PANK3: variants seen among roughly 807,000 people sequenced by gnomAD.
PANK3 encodes the protein pantothenate kinase 3.
PANK3 carries 20 observed loss-of-function variants against 39.4 expected under a neutral mutation model. The ratio of observed to expected loss-of-function variants is 0.51; its 90% CI spans 0.36 to 0.74. The LOEUF (loss-of-function observed/expected upper bound fraction) is 0.74. Among genes scored for constraint, PANK3 ranks in the 30% least tolerant of loss-of-function variants. The pLI, the probability that PANK3 is intolerant of heterozygous loss-of-function variation, is 0.00. For missense variants in PANK3, 265 were observed against 437.0 expected, an observed-to-expected ratio of 0.61 and a Z score of 3.51; for synonymous variants, 140 against 157.3, an observed-to-expected ratio of 0.89 and a Z score of 0.82.
chr5:168,573,825 T>C (rs1475856309), intron 1 of PANK3, among the ~76,000 whole-genome samples: 1 of 152,074 alleles, frequency 6.6e-6, no homozygotes, highest in East Asian at 1.9e-4. Context: ...ATTTCATCCA[T>C]GCCCCTACAA....
rs1442098597 is a variant in PANK3 at position 168,554,675 on chromosome 5, A to C, written c.*2896T>G. 6.6e-6 allele frequency: 1 copy of C among 152,336 alleles called. No homozygotes were observed. 9.4% of individuals were successfully genotyped at this position (152,336 alleles called of 1,614,324 possible). ...CAATGACTTCATGTTCCTTGCTTTA[A>C]TATTTCCATTGTAGTGACTAAATAT... On this transcript the variant is annotated 3_prime_UTR_variant, in exon 7 of 7. Coordinates refer to ENST00000239231, the MANE Select transcript of PANK3 (RefSeq NM_024594.4).
At chr5:168,558,896 G>A (rs1759397334) in intron 6 of PANK3, 136 bp downstream of exon 6, 1 of 707,628 alleles carries the variant, frequency 1.4e-6, no homozygotes, top group African/African-American at 1.8e-5. Flanking sequence ...GAGGTGGGAG[G>A]ATTGATGAGC....
At chr5:168,569,343 C>CG (rs1478216490) in intron 1 of PANK3, among the ~76,000 whole-genome samples, 2 of 150,946 alleles carry the variant, frequency 1.3e-5, no homozygotes, top group Non-Finnish European at 1.5e-5. Flanking sequence ...CACCACCACG[C>CG]CTGCCTAATT....
At chr5:168,558,947 A>G (rs1759398246) in intron 6 of PANK3, 85 bp downstream of exon 6, 2 of 1,340,670 alleles carry the variant, frequency 1.5e-6, no homozygotes, top group Non-Finnish European at 1.0e-6. Context: ...TTGTGCCACT[A>G]AACTCAAGCC....
In PANK3 at chr5:168,550,423, T is replaced by C. The variant is rs1759259121; in HGVS notation, c.*7148A>G. The C allele has an allele frequency of 6.6e-6, 1 of 152,206 alleles. No homozygotes were observed. Among genetic ancestry groups the C allele is most frequent in the Admixed American group, 6.5e-5 (1 of 15,282 alleles). The allele number at this position is 152,206 out of a possible 1,614,324, so 9.4% of individuals were successfully genotyped here. A position where few individuals can be genotyped will look rare whatever the true frequency, so the allele number is the denominator to read the frequency against. On this transcript the variant is annotated 3_prime_UTR_variant, in exon 7 of 7. Transcript: ENST00000239231. The stretch of plus-strand genomic sequence containing the variant: ...CTGTATTCTAACATTTATGAATAAT[T>C]TTTTGTACAATGAAAAAGTCATAAT...
chr5:168,571,339 T>G (rs372005353), intron 1 of PANK3, among the ~76,000 whole-genome samples: 1 of 152,200 alleles, frequency 6.6e-6, no homozygotes, highest in South Asian at 2.1e-4. Flanking sequence ...ATTTACTGAG[T>G]GCTCACTACC....
At chr5:168,561,611 A>G in intron 4 of PANK3, 95 bp from the exon 5 acceptor site, 2 of 1,119,750 alleles carry the variant, frequency 1.8e-6, no homozygotes, top group Non-Finnish European at 2.3e-6. Context: ...TTTTTATAAA[A>G]TTAGGACCAA....
rs189398585 is a variant in PANK3 at position 168,551,703 on chromosome 5, C to G, written c.*5868G>C. On this transcript the variant is annotated 3_prime_UTR_variant, in exon 7 of 7. Transcript: ENST00000239231. ...TTCCACTTTGTGCTGCATCATTCTG[C>G]TTATAGAAACAGTCTTTAAGGGACT... The G allele has an allele frequency of 1.5e-4, 23 of 152,160 alleles. No individual in the cohort carries two copies. The highest frequency in any genetic ancestry group is 5.5e-4 in the African/African-American group (23 of 41,534). The allele number at this position is 152,160 out of a possible 1,614,324, so 9.4% of individuals were successfully genotyped here. A position where few individuals can be genotyped will look rare whatever the true frequency, so the allele number is the denominator to read the frequency against.
chr5:168,575,061 C>T lies in PANK3; in HGVS notation c.28+4195G>A, dbSNP rs538984210. On this transcript the variant is annotated intron_variant, in intron 1 of 6. Coordinates refer to ENST00000239231, the MANE Select transcript of PANK3 (RefSeq NM_024594.4). ...AAGGTGAAAAAAAAGAACCAAAATA[C>T]ACATTTAAAAAGCAAAACAAAACAC... Among the ~76,000 whole-genome samples the T allele has an allele frequency of 2.6e-4, 40 of 151,700 alleles. 1 individual carries two copies. Among genetic ancestry groups the T allele is most frequent in the African/African-American group, 9.4e-4 (39 of 41,354 alleles).
chr5:168,577,016 G>A (rs1015381568), intron 1 of PANK3, among the ~76,000 whole-genome samples: 1 of 151,964 alleles, frequency 6.6e-6, no homozygotes, highest in Non-Finnish European at 1.5e-5. Context: ...GAACAGCTTG[G>A]ACTACAGGCG....
At position 168,553,315 on chromosome 5, in the gene PANK3, G is replaced by T; in HGVS notation, c.*4256C>A. 1 of 529,858 alleles carries T rather than the reference G, an allele frequency of 1.9e-6. No homozygotes were observed. Among genetic ancestry groups the T allele is most frequent in the Admixed American group, 2.1e-5 (1 of 48,370 alleles). 32.8% of individuals were successfully genotyped at this position (529,858 alleles called of 1,614,324 possible). On this transcript the variant is annotated 3_prime_UTR_variant, in exon 7 of 7. Transcript: ENST00000239231. Reference sequence around the variant, plus strand: ...TCCAATGTACATGGGCACAAAACTTGTGCAGAGTCCGCATTACAAGCCAGT... The same window carrying T: ...TCCAATGTACATGGGCACAAAACTTTTGCAGAGTCCGCATTACAAGCCAGT...
intron 1 of PANK3, among the ~76,000 whole-genome samples, chr5:168,572,034 A>G (rs1182567521): frequency 1.3e-5 from 2 of 152,044 alleles, no homozygotes; most frequent in Non-Finnish European, 2.9e-5. Flanking sequence ...ATAAACAGGT[A>G]TAAATAACTA....
chr5:168,576,908 G>A (rs1302650233), intron 1 of PANK3, among the ~76,000 whole-genome samples: 2 of 151,840 alleles, frequency 1.3e-5, no homozygotes, highest in African/African-American at 4.8e-5. Context: ...GAGACGGAGT[G>A]TTGCTCTGTT....
At chr5:168,557,932 C>T (rs1368261933) in intron 6 of PANK3, among the ~76,000 whole-genome samples, 1 of 152,154 alleles carries the variant, frequency 6.6e-6, no homozygotes, top group Non-Finnish European at 1.5e-5. Flanking sequence ...ATAGCTGGGA[C>T]TATAGGCTCA....
At chr5:168,577,799 T>G (rs1223359668) in intron 1 of PANK3, among the ~76,000 whole-genome samples, 1 of 152,082 alleles carries the variant, frequency 6.6e-6, no homozygotes, top group African/African-American at 2.4e-5. Flanking sequence ...AGAATTTGAG[T>G]TGGTCATACA....
chr5:168,569,205 G>A (rs1413872527), intron 1 of PANK3, among the ~76,000 whole-genome samples: 5 of 108,370 alleles, frequency 4.6e-5, no homozygotes, highest in Non-Finnish European at 8.7e-5. Flanking sequence ...TTTTTTTTGA[G>A]ATGGAGTCTC....
chr5:168,567,778 C>G (rs1432805457), intron 2 of PANK3, among the ~76,000 whole-genome samples: 1 of 152,122 alleles, frequency 6.6e-6, no homozygotes, highest in African/African-American at 2.4e-5. Flanking sequence ...GGCCACTATG[C>G]TGAGCTAATT....
intron 1 of PANK3, among the ~76,000 whole-genome samples, chr5:168,574,302 T>C (rs1328643468): frequency 6.6e-6 from 1 of 151,874 alleles, no homozygotes; most frequent in East Asian, 1.9e-4. Context: ...GTTTTTTGGC[T>C]GCATAAATGT....
At position 168,553,509 on chromosome 5, in the gene PANK3, T is replaced by C. The variant is rs1759303727; in HGVS notation, c.*4062A>G. 2 of 351,640 alleles carry C rather than the reference T, an allele frequency of 5.7e-6. No homozygotes were observed. The highest frequency in any genetic ancestry group is 5.6e-6 in the Non-Finnish European group (1 of 178,196). 21.8% of individuals were successfully genotyped at this position (351,640 alleles called of 1,614,324 possible). On this transcript the variant is annotated 3_prime_UTR_variant, in exon 7 of 7. Coordinates refer to ENST00000239231, the MANE Select transcript of PANK3 (RefSeq NM_024594.4). Reference sequence around the variant, plus strand: ...CCAATCATATCACCATTGGGGAAGATGGCCACAGACAAGGGCCAGGGGGAC... The same window carrying C: ...CCAATCATATCACCATTGGGGAAGACGGCCACAGACAAGGGCCAGGGGGAC...
Sources: gnomAD v4.1 joint callset for allele counts (sites outside exome capture counted in the v4.1 genomes callset) on GRCh38, gnomAD v4.1.1 for gene constraint, MANE v1.5 for transcripts, NCBI Gene and HGNC (gene_info 2026-07-23, HGNC 2026-07-21) for gene names.